The following COL4A2 variants were observed in gnomAD, a reference collection of about 807,000 sequenced individuals.
COL4A2 encodes collagen alpha-2(IV) chain.
In COL4A2, 99 loss-of-function variants were observed where a neutral mutation model predicts 200.2. That is an observed-to-expected ratio of 0.49 (90% CI 0.42 to 0.58). The LOEUF (loss-of-function observed/expected upper bound fraction) is 0.58, where lower values mean the gene tolerates loss of function less well. Ranked by LOEUF, COL4A2 falls within the 20% of genes least tolerant of loss-of-function variation. COL4A2 has a pLI of 0.00. For synonymous variants in COL4A2, 897 were observed against 900.6 expected, an observed-to-expected ratio of 1.00 and a Z score of 0.07; for missense variants, 1,950 against 2,314.1, an observed-to-expected ratio of 0.84 and a Z score of 3.23.
rs180829249 is a variant in COL4A2 at position 110,473,587 on chromosome 13, A to T, written c.2425+437A>T. Reference sequence around the variant, plus strand: ...TGGTGTAAAAATTAATACATTTTTTAAAATGTCTTAATGTTGTTTACAGTG... The same window carrying T: ...TGGTGTAAAAATTAATACATTTTTTTAAATGTCTTAATGTTGTTTACAGTG... On this transcript the variant is annotated intron_variant, in intron 29 of 47. Transcript: ENST00000360467. 31 of 159,714 alleles carry T rather than the reference A, an allele frequency of 1.9e-4. No individual in the cohort carries two copies. The East Asian group carries it at 4.1e-3, about 21-fold the overall frequency. The allele number at this position is 159,714 out of a possible 1,614,324, so 9.9% of individuals were successfully genotyped here. A position where few individuals can be genotyped will look rare whatever the true frequency, so the allele number is the denominator to read the frequency against.
chr13:110,321,127 C>T (rs1885263368), intron 3 of COL4A2, among the ~76,000 whole-genome samples: 2 of 151,724 alleles, frequency 1.3e-5, no homozygotes, highest in Admixed American at 1.3e-4. Context: ...TGAAGATAAT[C>T]TTACTAATGT....
chr13:110,505,243 G>A (rs528499424), intron 45 of COL4A2, among the ~76,000 whole-genome samples: 4 of 152,034 alleles, frequency 2.6e-5, no homozygotes, highest in East Asian at 1.9e-4. Flanking sequence ...CCAGCTACTC[G>A]GGAGGCTGAG....
chr13:110,328,118 T>C (rs1040612708), intron 3 of COL4A2, among the ~76,000 whole-genome samples: 4 of 152,186 alleles, frequency 2.6e-5, no homozygotes, highest in African/African-American at 9.6e-5. Context: ...CTGGAAAAGT[T>C]GATCAGGAAT....
intron 3 of COL4A2, among the ~76,000 whole-genome samples, chr13:110,322,589 G>A (rs917188043): frequency 6.6e-6 from 1 of 152,194 alleles, no homozygotes; most frequent in Non-Finnish European, 1.5e-5. Context: ...GGCTGTGATC[G>A]GGTGCAGGCC....
intron 3 of COL4A2, among the ~76,000 whole-genome samples, chr13:110,334,161 C>T (rs554925912): frequency 4.6e-5 from 7 of 152,356 alleles, no homozygotes; most frequent in Admixed American, 2.0e-4. Context: ...TACAATATGA[C>T]GCACAGTCAG....
intron 3 of COL4A2, among the ~76,000 whole-genome samples, chr13:110,321,373 G>T (rs754797784): frequency 7.2e-5 from 11 of 152,054 alleles, no homozygotes; most frequent in Admixed American, 2.0e-4. Flanking sequence ...TTAAATGACA[G>T]TTCAGTGGCA....
At chr13:110,428,413 A>G (rs1431331192) in intron 6 of COL4A2, 54 bp from the exon 7 acceptor site, 5 of 1,048,824 alleles carry the variant, frequency 4.8e-6, no homozygotes, top group South Asian at 1.4e-5. Context: ...TCACAGTTAC[A>G]TGACAACTAG....
At chr13:110,332,464 A>G (rs1019123558) in intron 3 of COL4A2, among the ~76,000 whole-genome samples, 1 of 152,222 alleles carries the variant, frequency 6.6e-6, no homozygotes, top group Non-Finnish European at 1.5e-5. Flanking sequence ...TGGCAGCAAC[A>G]CAAGTTCGTT....
chr13:110,419,370 C>G (rs1006473927), intron 4 of COL4A2, among the ~76,000 whole-genome samples: 35 of 152,134 alleles, frequency 2.3e-4, no homozygotes, highest in Non-Finnish European at 2.1e-4. Flanking sequence ...TGTTTTTATC[C>G]TTCTCTGATA....
intron 15 of COL4A2, 145 bp downstream of exon 15, chr13:110,438,813 C>T: frequency 1.6e-5 from 12 of 771,134 alleles, no homozygotes; most frequent in East Asian, 2.7e-5. Flanking sequence ...CCCCCCCCCA[C>T]ACACACACAC....
intron 40 of COL4A2, among the ~76,000 whole-genome samples, chr13:110,496,820 A>G (rs9515238): frequency 0.71 from 96,368 of 135,580 alleles, 33,858 homozygotes; most frequent in South Asian, 0.77. Flanking sequence ...TGAGGATCTA[A>G]GGTCAGTCCA....
intron 3 of COL4A2, among the ~76,000 whole-genome samples, chr13:110,350,558 T>C (rs1876911795): frequency 6.6e-6 from 1 of 152,206 alleles, no homozygotes; most frequent in East Asian, 1.9e-4. Flanking sequence ...CACTGAGTCA[T>C]GGAACATGCT....
intron 4 of COL4A2, among the ~76,000 whole-genome samples, chr13:110,381,460 C>T (rs1878490331): frequency 6.6e-6 from 1 of 152,194 alleles, no homozygotes; most frequent in African/African-American, 2.4e-5. Flanking sequence ...TGGGAAATAA[C>T]AGTTATTAAA....
At chr13:110,397,975 G>T (rs1475412097) in intron 4 of COL4A2, among the ~76,000 whole-genome samples, 1 of 152,178 alleles carries the variant, frequency 6.6e-6, no homozygotes, top group African/African-American at 2.4e-5. Flanking sequence ...AGTCATCTCT[G>T]CTGGGAAAAC....
chr13:110,403,713 T>C (rs1156701670), intron 4 of COL4A2, among the ~76,000 whole-genome samples: 1 of 152,182 alleles, frequency 6.6e-6, no homozygotes, highest in Non-Finnish European at 1.5e-5. Flanking sequence ...TTTCAGACCC[T>C]ACCCATTACC....
intron 18 of COL4A2, among the ~76,000 whole-genome samples, chr13:110,449,431 T>A (rs2139480183): frequency 6.6e-6 from 1 of 152,228 alleles, no homozygotes; most frequent in East Asian, 1.9e-4. Context: ...ACCACATTAG[T>A]TCCTTCTTTA....
intron 20 of COL4A2, chr13:110,456,457 C>A: frequency 3.2e-6 from 1 of 317,250 alleles, no homozygotes; most frequent in Non-Finnish European, 6.1e-6. Context: ...GTCTTGGAAT[C>A]CAAGTTACAT....
intron 20 of COL4A2, among the ~76,000 whole-genome samples, chr13:110,456,077 T>C (rs769200782): frequency 6.6e-6 from 1 of 152,158 alleles, no homozygotes; most frequent in African/African-American, 2.4e-5. Flanking sequence ...GCACTCTTCT[T>C]CTCCAGTGCG....
At chr13:110,318,388 G>T (rs950159145) in intron 3 of COL4A2, among the ~76,000 whole-genome samples, 6 of 152,176 alleles carry the variant, frequency 3.9e-5, no homozygotes, top group Non-Finnish European at 8.8e-5. Flanking sequence ...ATTATTCATG[G>T]TAAGAAAGCA....
Sources: allele counts gnomAD v4.1 joint callset (sites outside exome capture counted in the v4.1 genomes callset), GRCh38; gene constraint gnomAD v4.1.1; transcripts MANE v1.5; gene names NCBI Gene and HGNC (gene_info 2026-07-23, HGNC 2026-07-21).